Variants in LINGO2 observed in about 807,000 individuals in gnomAD.
The protein encoded by LINGO2 is leucine-rich repeat and immunoglobulin-like domain-containing nogo receptor-interacting protein 2.
In LINGO2, 14 loss-of-function variants were observed where a neutral mutation model predicts 30.6. The ratio of observed to expected loss-of-function variants is 0.46; its 90% CI spans 0.30 to 0.72. The LOEUF is 0.72. Ranked by LOEUF, LINGO2 falls within the 30% of genes least tolerant of loss-of-function variation. The pLI is 0.07. For synonymous variants in LINGO2, 317 were observed against 288.5 expected, an observed-to-expected ratio of 1.10 and a Z score of -1.00; for missense variants, 729 against 751.7, an observed-to-expected ratio of 0.97 and a Z score of 0.35.
At chr9:28,504,235 C>T (rs1442711811) in intron 1 of LINGO2, among the ~76,000 whole-genome samples, 1 of 151,808 alleles carries the variant, frequency 6.6e-6, no homozygotes, top group Non-Finnish European at 1.5e-5. Context: ...TCTATATTTT[C>T]CCACATACTT....
At chr9:28,054,546 G>T (rs943905834) in intron 4 of LINGO2, among the ~76,000 whole-genome samples, 1 of 152,068 alleles carries the variant, frequency 6.6e-6, no homozygotes, top group Non-Finnish European at 1.5e-5. Flanking sequence ...GAAGTTTGAA[G>T]TTCCATTAAC....
At chr9:28,898,710 T>C in the LINGO2 span, among the ~76,000 whole-genome samples, 1 of 151,972 alleles carries the variant, frequency 6.6e-6, no homozygotes, top group Non-Finnish European at 1.5e-5. Flanking sequence ...CACTACAATA[T>C]TGCAAAATTA....
At chr9:29,123,962 T>A in the LINGO2 span, among the ~76,000 whole-genome samples, 14 of 151,736 alleles carry the variant, frequency 9.2e-5, no homozygotes, top group Admixed American at 7.9e-4. Flanking sequence ...AAAAGGCATA[T>A]TAGCTAAATA....
At chr9:28,962,770 A>G in the LINGO2 span, among the ~76,000 whole-genome samples, 2 of 151,640 alleles carry the variant, frequency 1.3e-5, no homozygotes, top group Admixed American at 1.3e-4. Context: ...TACATTTATT[A>G]TATTATTTTG....
At chr9:28,103,174 A>G (rs1421739798) in intron 4 of LINGO2, among the ~76,000 whole-genome samples, 1 of 152,230 alleles carries the variant, frequency 6.6e-6, no homozygotes, top group Non-Finnish European at 1.5e-5. Context: ...TATGTAACCT[A>G]TGAAGGTGTA....
the LINGO2 span, among the ~76,000 whole-genome samples, chr9:29,158,162 A>G: frequency 6.6e-6 from 1 of 151,736 alleles, no homozygotes; most frequent in East Asian, 1.9e-4. Context: ...GCAACACAGC[A>G]AAACCCTGAC....
chr9:28,555,652 C>T (rs946960219), intron 1 of LINGO2, among the ~76,000 whole-genome samples: 1 of 151,958 alleles, frequency 6.6e-6, no homozygotes, highest in Non-Finnish European at 1.5e-5. Flanking sequence ...TTTTATGAGG[C>T]CAGCATCATT....
At chr9:28,623,712 T>C (rs1458892050) in intron 1 of LINGO2, among the ~76,000 whole-genome samples, 1 of 152,066 alleles carries the variant, frequency 6.6e-6, no homozygotes, top group Non-Finnish European at 1.5e-5. Flanking sequence ...TTCAGGATTT[T>C]TTTTTCTATT....
At chr9:28,279,676 A>C (rs1160813144) in intron 4 of LINGO2, among the ~76,000 whole-genome samples, 2 of 152,096 alleles carry the variant, frequency 1.3e-5, no homozygotes, top group African/African-American at 2.4e-5. Flanking sequence ...GAAGCCAAAA[A>C]TTTCATGTGA....
At chr9:28,816,814 C>A in the LINGO2 span, among the ~76,000 whole-genome samples, 3 of 152,054 alleles carry the variant, frequency 2.0e-5, no homozygotes, top group African/African-American at 7.2e-5. Context: ...ATTTTAAATG[C>A]AAGATGTTAA....
intron 2 of LINGO2, among the ~76,000 whole-genome samples, chr9:28,406,692 C>A (rs1822529490): frequency 6.6e-6 from 1 of 152,142 alleles, no homozygotes; most frequent in Admixed American, 6.6e-5. Flanking sequence ...AAACATGAAT[C>A]CATCTGCAGC....
At chr9:27,939,977 AG>A in the LINGO2 span, 40 of 152,294 alleles carry the variant, frequency 2.6e-4, 1 homozygote, top group Admixed American at 1.0e-3. Context: ...TTAATCAAAG[AG>A]GTATCCTCTC....
chr9:28,800,455 A>G, the LINGO2 span, among the ~76,000 whole-genome samples: 38 of 152,160 alleles, frequency 2.5e-4, no homozygotes, highest in African/African-American at 8.4e-4. Flanking sequence ...GCAGTCTATT[A>G]TAAGTCTGTT....
At chr9:28,205,954 G>T (rs1360203098) in intron 4 of LINGO2, among the ~76,000 whole-genome samples, 1 of 151,836 alleles carries the variant, frequency 6.6e-6, no homozygotes, top group East Asian at 1.9e-4. Context: ...AGGCCGAAGT[G>T]GGCAGTTCAA....
the LINGO2 span, among the ~76,000 whole-genome samples, chr9:29,149,575 A>G: frequency 6.6e-6 from 1 of 151,792 alleles, no homozygotes; most frequent in Non-Finnish European, 1.5e-5. Flanking sequence ...TGCTAGGGCT[A>G]GTTTCCACCC....
intron 4 of LINGO2, among the ~76,000 whole-genome samples, chr9:28,250,943 G>A (rs1684478999): frequency 6.6e-6 from 1 of 151,446 alleles, no homozygotes; most frequent in Non-Finnish European, 1.5e-5. Context: ...GTCACAAGAC[G>A]CCCTCACCAT....
At chr9:28,506,629 T>TAA (rs969360286) in intron 1 of LINGO2, among the ~76,000 whole-genome samples, 1 of 148,444 alleles carries the variant, frequency 6.7e-6, no homozygotes, top group African/African-American at 2.5e-5. Flanking sequence ...TCATAACATA[T>TAA]ATATATTTGC....
At chr9:28,799,984 C>A in the LINGO2 span, among the ~76,000 whole-genome samples, 2 of 151,726 alleles carry the variant, frequency 1.3e-5, no homozygotes, top group African/African-American at 2.4e-5. Flanking sequence ...TTTTTCATAA[C>A]AATGACAGTT....
intron 3 of LINGO2, among the ~76,000 whole-genome samples, chr9:28,348,095 T>A (rs1299371519): frequency 6.6e-6 from 1 of 152,128 alleles, no homozygotes; most frequent in African/African-American, 2.4e-5. Context: ...GTGATTGTAA[T>A]CTAATGAAGA....
Sources: gnomAD v4.1 joint callset for allele counts (sites outside exome capture counted in the v4.1 genomes callset) on GRCh38, gnomAD v4.1.1 for gene constraint, MANE v1.5 for transcripts, NCBI Gene and HGNC (gene_info 2026-07-23, HGNC 2026-07-21) for gene names.